Variants in RASEF observed in about 807,000 individuals in gnomAD.
RASEF encodes the protein RAS and EF-hand domain containing.
Under a neutral mutation model 90.1 loss-of-function variants are expected in RASEF, and 68 were observed. The observed-to-expected ratio is 0.75, with a 90% CI of 0.62 to 0.92. The LOEUF (loss-of-function observed/expected upper bound fraction) is 0.92. Ranked by LOEUF, RASEF falls within the 40% of genes least tolerant of loss-of-function variation. The probability of loss-of-function intolerance (pLI) is 0.00; values close to 1 mark genes in which losing one functional copy is unlikely to be tolerated. For missense variants in RASEF, 949 were observed against 937.2 expected (o/e 1.01, Z -0.16); for synonymous variants, 331 against 345.2 (o/e 0.96, Z 0.46).
At chr9:83,017,004 C>A (rs968087379) in intron 3 of RASEF, among the ~76,000 whole-genome samples, 3 of 152,148 alleles carry the variant, frequency 2.0e-5, no homozygotes, top group African/African-American at 7.2e-5. Context: ...AAGGGGCTAT[C>A]TTGACTTCAT....
rs878960580 is a variant in RASEF at position 83,062,302 on chromosome 9, G to GT, written c.431+134dup. 1.6e-5 allele frequency: 13 copies of GT among 815,228 alleles called. 1 individual carries two copies. Among genetic ancestry groups the GT allele is most frequent in the East Asian group, 1.1e-4 (4 of 35,894 alleles). The allele number at this position is 815,228 out of a possible 1,614,324, so 50.5% of individuals were successfully genotyped here. A position where few individuals can be genotyped will look rare whatever the true frequency, so the allele number is the denominator to read the frequency against. The stretch of plus-strand genomic sequence containing the variant: ...GCGGATCTTGGAAAAGTCAAAGCGA[G>GT]TAGGTGAAGGAAGACAAGCAACTCA... On this transcript the variant is annotated intron_variant, in intron 1 of 16. Coordinates refer to ENST00000376447, the MANE Select transcript of RASEF (RefSeq NM_152573.4).
At chr9:83,128,747 T>A in the RASEF span, among the ~76,000 whole-genome samples, 2 of 152,176 alleles carry the variant, frequency 1.3e-5, no homozygotes, top group African/African-American at 4.8e-5. Flanking sequence ...ACAAGTGGGC[T>A]GGGGCACAAC....
At chr9:83,154,338 A>G in the RASEF span, among the ~76,000 whole-genome samples, 4 of 152,150 alleles carry the variant, frequency 2.6e-5, no homozygotes, top group Admixed American at 2.6e-4. Context: ...TGCTTTATCT[A>G]TTTGACCGTA....
chr9:83,027,837 T>G (rs1315508376), intron 1 of RASEF, among the ~76,000 whole-genome samples: 1 of 151,950 alleles, frequency 6.6e-6, no homozygotes, highest in Non-Finnish European at 1.5e-5. Context: ...AGGTGTAGAC[T>G]TAATAAGCCC....
upstream of RASEF, among the ~76,000 whole-genome samples, chr9:83,065,402 GGGCCATGTGTCTTCA>G (rs937144037): frequency 1.3e-5 from 2 of 152,280 alleles, no homozygotes; most frequent in African/African-American, 2.4e-5. Context: ...GCTGTTGGCT[GGGCCATGTGTCTTCA>G]GGAAGCTAGC....
At chr9:83,006,521 G>A (rs1396029047) in intron 7 of RASEF, among the ~76,000 whole-genome samples, 1 of 152,036 alleles carries the variant, frequency 6.6e-6, no homozygotes, top group Admixed American at 6.5e-5. Context: ...AAAAAAAAAG[G>A]TCAAACCTGA....
chr9:83,085,342 A>G, the RASEF span, among the ~76,000 whole-genome samples: 1 of 152,234 alleles, frequency 6.6e-6, no homozygotes, highest in Non-Finnish European at 1.5e-5. Flanking sequence ...ATTATAAAAA[A>G]GATGTTGCTG....
chr9:83,032,924 A>G, intron 1 of RASEF, among the ~76,000 whole-genome samples: 1 of 152,174 alleles, frequency 6.6e-6, no homozygotes, highest in East Asian at 1.9e-4. Context: ...GAATGCTTGG[A>G]CACCACTGAT....
At chr9:83,106,898 G>T in the RASEF span, among the ~76,000 whole-genome samples, 1 of 151,812 alleles carries the variant, frequency 6.6e-6, no homozygotes, top group Non-Finnish European at 1.5e-5. Flanking sequence ...CGATAATCTG[G>T]CCAGTATCCC....
intron 9 of RASEF, among the ~76,000 whole-genome samples, chr9:83,001,932 TG>T (rs746012985): frequency 6.6e-6 from 1 of 152,238 alleles, no homozygotes; most frequent in Non-Finnish European, 1.5e-5. Flanking sequence ...AGATAAAGGC[TG>T]GAACTCCTGA....
chr9:83,053,181 G>C (rs1830050249), intron 1 of RASEF, among the ~76,000 whole-genome samples: 1 of 67,508 alleles, frequency 1.5e-5, no homozygotes, highest in Admixed American at 1.3e-4. Context: ...GGGAGTCTAA[G>C]TCTCTTTGTA....
rs576782520 is a variant in RASEF, at chr9:83,012,420, A to G, written c.843+14T>C. On this transcript the variant is annotated intron_variant, in intron 5 of 16. Transcript: ENST00000376447. ...CAGGAAGTGCATTTCTGTAAGTGAA[A>G]AGGTAATTCTTACCATTGATAAATC... The G allele has an allele frequency of 7.0e-7, 1 of 1,430,480 alleles. No individual in the cohort carries two copies. Among genetic ancestry groups the G allele is most frequent in the African/African-American group, 1.4e-5 (1 of 69,254 alleles). The allele number at this position is 1,430,480 out of a possible 1,614,324, so 88.6% of individuals were successfully genotyped here.
the RASEF span, among the ~76,000 whole-genome samples, chr9:83,134,449 C>CACATAT: frequency 1.6e-4 from 23 of 139,414 alleles, no homozygotes; most frequent in African/African-American, 4.8e-4. Context: ...CACACACACA[C>CACATAT]ATATATATAT....
chr9:83,147,034 A>ATATG, the RASEF span, among the ~76,000 whole-genome samples: 3 of 108,102 alleles, frequency 2.8e-5, no homozygotes, highest in African/African-American at 1.3e-4. Flanking sequence ...GTGTGTATAT[A>ATATG]TATATGTATA....
chr9:83,197,704 C>A, the RASEF span, among the ~76,000 whole-genome samples: 1 of 152,196 alleles, frequency 6.6e-6, no homozygotes, highest in Admixed American at 6.5e-5. Context: ...CACTTCTTCA[C>A]TCCTCCTTAT....
chr9:83,092,843 A>G, the RASEF span, among the ~76,000 whole-genome samples: 1 of 152,040 alleles, frequency 6.6e-6, no homozygotes, highest in Non-Finnish European at 1.5e-5. Flanking sequence ...TCCCCATCAG[A>G]TTAGTTAGAT....
intron 16 of RASEF, among the ~76,000 whole-genome samples, chr9:82,984,848 T>C (rs1828683137): frequency 6.6e-6 from 1 of 152,164 alleles, no homozygotes; most frequent in Admixed American, 6.5e-5. Flanking sequence ...GCTACTGAGC[T>C]TTAAGGGAGA....
At chr9:83,002,914 T>C (rs1400831032) in intron 9 of RASEF, among the ~76,000 whole-genome samples, 2 of 152,154 alleles carry the variant, frequency 1.3e-5, no homozygotes, top group African/African-American at 2.4e-5. Flanking sequence ...AATAAAAACA[T>C]AGGTACAGGT....
chr9:83,022,887 T>C (rs537569779), intron 2 of RASEF, among the ~76,000 whole-genome samples: 22 of 152,334 alleles, frequency 1.4e-4, no homozygotes, highest in African/African-American at 4.6e-4. Context: ...AGTAAAAGTA[T>C]AGGATTATAT....
Sources: gnomAD v4.1 joint callset for allele counts (sites outside exome capture counted in the v4.1 genomes callset) on GRCh38, gnomAD v4.1.1 for gene constraint, MANE v1.5 for transcripts, NCBI Gene and HGNC (gene_info 2026-07-23, HGNC 2026-07-21) for gene names.